The following MED12L variants were observed in gnomAD, a reference collection of about 807,000 sequenced individuals.
MED12L encodes the protein mediator complex subunit 12L.
Under a neutral mutation model 281.3 loss-of-function variants are expected in MED12L, and 60 were observed. The ratio of observed to expected loss-of-function variants is 0.21; its 90% CI spans 0.17 to 0.26. The LOEUF (loss-of-function observed/expected upper bound fraction) is 0.26, where lower values mean the gene tolerates loss of function less well. MED12L is among the 10% of genes least tolerant of loss of function. MED12L has a pLI of 1.00. For synonymous variants in MED12L, 974 were observed against 987.2 expected (o/e 0.99, Z 0.25); for missense variants, 2,146 against 2,680.9 (o/e 0.80, Z 4.41).
chr3:151,085,699 C>T lies in MED12L; in HGVS notation c.-367C>T, dbSNP rs1415124471. The T allele has an allele frequency of 6.6e-6, 1 of 152,064 alleles. No homozygotes were observed. The highest frequency in any genetic ancestry group is 1.9e-4 in the East Asian group (1 of 5,152). 9.4% of individuals were successfully genotyped at this position (152,064 alleles called of 1,614,324 possible). A position where few individuals can be genotyped will look rare whatever the true frequency, so the allele number is the denominator to read the frequency against. ...CGGACGCCGCGCCGCCGTCCGCCAA[C>T]TCGGAAGCTCGCGCTCCCGGGCCGT... On this transcript the variant is annotated 5_prime_UTR_variant, in exon 1 of 45. Transcript: ENST00000687756.
chr3:151,304,898 C>T (rs1275120559), intron 16 of MED12L, among the ~76,000 whole-genome samples: 1 of 152,128 alleles, frequency 6.6e-6, no homozygotes, highest in African/African-American at 2.4e-5. Context: ...TTATTTAGCA[C>T]TTCATAGGCT....
In MED12L at chr3:151,361,016, TAGAA is replaced by T. The variant is rs368683573; in HGVS notation, c.2957+415_2957+418del. 6.8e-3 allele frequency among the ~76,000 whole-genome samples: 1,041 copies of T among 152,286 alleles called. 9 individuals carry two copies. Among genetic ancestry groups the T allele is most frequent in the South Asian group, 0.023 (111 of 4,826 alleles). On this transcript the variant is annotated intron_variant, in intron 21 of 44. Coordinates refer to ENST00000687756, the MANE Select transcript of MED12L (RefSeq NM_001393769.1). ...AATTCAATTTGGATTATAAATCTAA[TAGAA>T]AGATCAATGAGGCAGCTCTTTGTAT...
chr3:151,297,642 G>A (rs1745284413), intron 16 of MED12L, among the ~76,000 whole-genome samples: 1 of 152,126 alleles, frequency 6.6e-6, no homozygotes, highest in Admixed American at 6.5e-5. Context: ...TTGGCTCCCT[G>A]GGGATCTGCT....
At chr3:151,417,827 A>C (rs947115341) in intron 43 of MED12L, among the ~76,000 whole-genome samples, 1 of 152,072 alleles carries the variant, frequency 6.6e-6, no homozygotes, top group Non-Finnish European at 1.5e-5. Flanking sequence ...TCCAGCTCTG[A>C]TTTAAAAATA....
At chr3:151,353,160 G>C (rs1753450417) in intron 17 of MED12L, among the ~76,000 whole-genome samples, 1 of 152,080 alleles carries the variant, frequency 6.6e-6, no homozygotes, top group African/African-American at 2.4e-5. Flanking sequence ...GTTTTTAGTA[G>C]GATCTACTTC....
In MED12L at chr3:151,377,187, G is replaced by A; in HGVS notation, c.4316+9G>A. On this transcript the variant is annotated intron_variant, in intron 30 of 44. Transcript: ENST00000687756. ...ATAAAGACATTCCTAAGGTATTTTT[G>A]TCTGTTGTTTTATTGAACTGTCATG... is the stretch of plus-strand genomic sequence containing the variant. The A allele has an allele frequency of 6.3e-7, 1 of 1,599,788 alleles. No individual in the cohort carries two copies. The highest frequency in any genetic ancestry group is 1.1e-5 in the South Asian group (1 of 88,380).
intron 11 of MED12L, among the ~76,000 whole-genome samples, chr3:151,178,766 C>G (rs879826092): frequency 7.9e-5 from 12 of 152,228 alleles, no homozygotes; most frequent in Non-Finnish European, 1.6e-4. Flanking sequence ...ATTGCAATGT[C>G]TGACTGTAAA....
intron 5 of MED12L, among the ~76,000 whole-genome samples, chr3:151,147,538 G>C (rs563431208): frequency 2.0e-5 from 3 of 152,242 alleles, no homozygotes; most frequent in Middle Eastern, 3.4e-3. Context: ...TTCAGTAGCC[G>C]CAGGCAACCA....
intron 16 of MED12L, among the ~76,000 whole-genome samples, chr3:151,194,433 T>C (rs182929021): frequency 2.0e-5 from 3 of 152,244 alleles, no homozygotes; most frequent in Admixed American, 2.0e-4. Flanking sequence ...CATCTATAAA[T>C]GGCAAGCCCT....
At chr3:151,430,448 A>G (rs1719356644) in intron 44 of MED12L, 68 bp downstream of exon 44, 3 of 1,601,946 alleles carry the variant, frequency 1.9e-6, no homozygotes, top group Non-Finnish European at 2.6e-6. Flanking sequence ...GCGAAACGTA[A>G]AGTGGCGGCT....
chr3:151,436,460 G>T lies in MED12L; in HGVS notation c.*3656G>T. ...CAATGTTTGTTTATTGTTATTTGTTGGCAAAATAAAAGTGCCTTAAGTTAA... is the reference window on the plus strand; with the variant it reads ...CAATGTTTGTTTATTGTTATTTGTTTGCAAAATAAAAGTGCCTTAAGTTAA... On this transcript the variant is annotated 3_prime_UTR_variant, in exon 45 of 45. Coordinates refer to ENST00000687756, the MANE Select transcript of MED12L (RefSeq NM_001393769.1). 1 of 396,024 alleles carries T rather than the reference G, an allele frequency of 2.5e-6. No homozygotes were observed. Among genetic ancestry groups the T allele is most frequent in the South Asian group, 4.7e-5 (1 of 21,444 alleles). The allele number at this position is 396,024 out of a possible 1,614,324, so 24.5% of individuals were successfully genotyped here.
At chr3:151,130,380 A>G (rs1243003323) in intron 5 of MED12L, among the ~76,000 whole-genome samples, 2 of 152,180 alleles carry the variant, frequency 1.3e-5, no homozygotes, top group African/African-American at 4.8e-5. Context: ...ATAAAACCAG[A>G]ATCTGAAAAC....
intron 16 of MED12L, among the ~76,000 whole-genome samples, chr3:151,258,245 A>G (rs1003963210): frequency 1.3e-5 from 2 of 152,190 alleles, no homozygotes; most frequent in African/African-American, 4.8e-5. Flanking sequence ...GGCATAATCA[A>G]GTACTCTTGA....
In MED12L at chr3:151,435,751, T is replaced by C. The variant is rs1159022415; in HGVS notation, c.*2947T>C. ...ATTAATTCAGGTTGAATTAAGCATG[T>C]AATATAAATTCAGTGAATTACAAAA... On this transcript the variant is annotated 3_prime_UTR_variant, in exon 45 of 45. Coordinates refer to ENST00000687756, the MANE Select transcript of MED12L (RefSeq NM_001393769.1). 1 of 152,198 alleles carries C rather than the reference T, an allele frequency of 6.6e-6. No homozygotes were observed. The highest frequency in any genetic ancestry group is 2.4e-5 in the African/African-American group (1 of 41,440). The allele number at this position is 152,198 out of a possible 1,614,324, so 9.4% of individuals were successfully genotyped here.
chr3:151,116,614 C>A (rs900668005), intron 3 of MED12L, among the ~76,000 whole-genome samples, 172 bp downstream of exon 3: 2 of 152,176 alleles, frequency 1.3e-5, no homozygotes, highest in Non-Finnish European at 2.9e-5. Flanking sequence ...TCATACATTG[C>A]ATTTCCTTGT....
chr3:151,278,366 T>C (rs1278325087), intron 16 of MED12L: 5 of 120,872 alleles, frequency 4.1e-5, no homozygotes, highest in Non-Finnish European at 4.3e-5. Flanking sequence ...AAGGTAACAC[T>C]GTTACAGAGT....
chr3:151,101,811 G>A (rs1721429275), intron 2 of MED12L, among the ~76,000 whole-genome samples: 1 of 152,192 alleles, frequency 6.6e-6, no homozygotes, highest in Non-Finnish European at 1.5e-5. Context: ...GGAGAGGCTG[G>A]GAGGGAGACG....
chr3:151,417,470 C>T (rs1717710506), intron 43 of MED12L, among the ~76,000 whole-genome samples: 1 of 143,078 alleles, frequency 7.0e-6, no homozygotes, highest in South Asian at 2.2e-4. Flanking sequence ...GTTCCGCTCC[C>T]CCAGCTCCCC....
intron 43 of MED12L, among the ~76,000 whole-genome samples, chr3:151,429,182 C>T (rs1409817486): frequency 6.6e-6 from 1 of 152,188 alleles, no homozygotes; most frequent in East Asian, 1.9e-4. Context: ...CGTGGCCAGC[C>T]AGCAGAGACT....
Sources: gnomAD v4.1 joint callset for allele counts (sites outside exome capture counted in the v4.1 genomes callset) on GRCh38, gnomAD v4.1.1 for gene constraint, MANE v1.5 for transcripts, NCBI Gene and HGNC (gene_info 2026-07-23, HGNC 2026-07-21) for gene names.